The following ZNF331 variants were observed in gnomAD, a reference collection of about 807,000 sequenced individuals.
ZNF331 encodes the protein C2H2-like zinc finger protein rearranged in thyroid adenomas.
ZNF331 carries 2 observed loss-of-function variants against 7.0 expected under a neutral mutation model. The ratio of observed to expected loss-of-function variants is 0.29; its 90% confidence interval spans 0.12 to 0.90. The LOEUF is 0.90. ZNF331 is among the 40% of genes least tolerant of loss of function. ZNF331 has a pLI of 0.58. For missense variants in ZNF331, 432 were observed against 587.7 expected, an observed-to-expected ratio of 0.74 and a Z score of 2.74; for synonymous variants, 196 against 205.4, an observed-to-expected ratio of 0.95 and a Z score of 0.39.
At chr19:53,510,450 G>C in the ZNF331 span, among the ~76,000 whole-genome samples, 1 of 81,848 alleles carries the variant, frequency 1.2e-5, no homozygotes, top group Admixed American at 1.3e-4. Flanking sequence ...TTTTTTTTTT[G>C]CCATGTAGCT....
rs2090581905 is a variant in ZNF331, at chr19:53,573,905, G to T, written c.136+2175G>T. 6.6e-6 allele frequency among the ~76,000 whole-genome samples: 1 copy of T among 152,166 alleles called. No homozygotes were observed. On this transcript the variant is annotated intron_variant, in intron 5 of 5. Coordinates refer to ENST00000449416, the MANE Select transcript of ZNF331 (RefSeq NM_001079906.2). This position sits in a 1 kb window ranked among gnomAD's most constrained non-coding sequence, Gnocchi z 4.2. ...AGGCGGGCAGATCACCTGAAGTCAG[G>T]ACTTCAAGACCAGCCTGGCCAACAT... is the stretch of plus-strand genomic sequence containing the variant.
Position 53,571,096 on chromosome 19 carries a change from T to A in ZNF331, c.10-508T>A, listed in dbSNP as rs1184450467. Among the ~76,000 whole-genome samples the A allele has an allele frequency of 6.6e-6, 1 of 151,684 alleles. No individual in the cohort carries two copies. Among genetic ancestry groups the A allele is most frequent in the African/African-American group, 2.4e-5 (1 of 41,276 alleles). On this transcript the variant is annotated intron_variant, in intron 4 of 5. Coordinates refer to ENST00000449416, the MANE Select transcript of ZNF331 (RefSeq NM_001079906.2). The surrounding 1 kb of genome is among the most constrained non-coding windows in gnomAD (Gnocchi z 4.7). ...GGATGGTCTCGATCTCCTGACCTCG[T>A]GATCCGCCTGCCTTGTTCTCGTGAT...
chr19:53,536,080 A>C (rs1177281668), upstream of ZNF331, among the ~76,000 whole-genome samples: 1 of 152,228 alleles, frequency 6.6e-6, no homozygotes, highest in African/African-American at 2.4e-5. Flanking sequence ...CTGGGATTAC[A>C]GGTGTGAGCC....
chr19:53,545,650 C>A (rs188947980), intron 2 of ZNF331, among the ~76,000 whole-genome samples: 1 of 152,218 alleles, frequency 6.6e-6, no homozygotes, highest in Non-Finnish European at 1.5e-5. Flanking sequence ...CAGTCTGCCA[C>A]TTGTATTTCC....
At position 53,578,172 on chromosome 19, in the gene ZNF331, C is replaced by A; in HGVS notation, c.*220C>A. ...GAGTCATCCCTTGGTCCAGCACATCCACGCTGTATACGCCACCCACCCTGC... is the reference window on the plus strand; with the variant it reads ...GAGTCATCCCTTGGTCCAGCACATCAACGCTGTATACGCCACCCACCCTGC... On this transcript the variant is annotated 3_prime_UTR_variant, in exon 6 of 6. Transcript: ENST00000449416. 1 of 565,792 alleles carries A rather than the reference C, an allele frequency of 1.8e-6. No homozygotes were observed. The highest frequency in any genetic ancestry group is 3.1e-6 in the Non-Finnish European group (1 of 326,574). 35.0% of individuals were successfully genotyped at this position (565,792 alleles called of 1,614,324 possible). A position where few individuals can be genotyped will look rare whatever the true frequency, so the allele number is the denominator to read the frequency against.
intron 3 of ZNF331, among the ~76,000 whole-genome samples, chr19:53,563,166 C>T (rs1343684394): frequency 1.4e-5 from 2 of 146,062 alleles, no homozygotes; most frequent in Non-Finnish European, 3.0e-5. Flanking sequence ...CAGCTCACTG[C>T]AATCTCCGCC....
chr19:53,536,046 C>T (rs557905517), upstream of ZNF331, among the ~76,000 whole-genome samples: 4 of 152,222 alleles, frequency 2.6e-5, no homozygotes, highest in African/African-American at 7.2e-5. Context: ...TCAAGTGATC[C>T]GCTCACCTTG....
At chr19:53,526,550 ATT>A (rs35733725) in intron 2 of ZNF331, among the ~76,000 whole-genome samples, 2,524 of 150,176 alleles carry the variant, frequency 0.017, 73 homozygotes, top group African/African-American at 0.06. Flanking sequence ...TGGCGTAGAA[ATT>A]TTTTTTTTCT....
chr19:53,534,623 GTTC>G (rs2087670278), upstream of ZNF331, among the ~76,000 whole-genome samples: 1 of 152,050 alleles, frequency 6.6e-6, no homozygotes, highest in Non-Finnish European at 1.5e-5. Flanking sequence ...GACAAGTCAA[GTTC>G]TTCTTGTATC....
At chr19:53,519,412 C>T (rs1419028491), upstream of ZNF331, among the ~76,000 whole-genome samples, 1 of 152,192 alleles carries the variant, frequency 6.6e-6, no homozygotes, top group African/African-American at 2.4e-5. Context: ...TCCTGCCTAA[C>T]CACCTGACCA....
chr19:53,568,562 C>T (rs753290920), intron 3 of ZNF331, among the ~76,000 whole-genome samples: 55 of 152,144 alleles, frequency 3.6e-4, no homozygotes, highest in Non-Finnish European at 6.9e-4. Context: ...TCTGGCATAG[C>T]AAGCCCCCAT....
Position 53,556,182 on chromosome 19 carries a change from G to T in ZNF331, c.-74+274G>T, listed in dbSNP as rs1447027004. Among the ~76,000 whole-genome samples, 5 of 146,564 alleles carry T rather than the reference G, an allele frequency of 3.4e-5. No homozygotes were observed. In the East Asian group the frequency reaches 1.0e-3, roughly 30 times the overall value. On this transcript the variant is annotated intron_variant, in intron 3 of 5. Transcript: ENST00000449416. ...GGCGGGAACCCGGGAGGCGGAGCTT[G>T]CAGTGAGCCGAGATCGCACCGCTTC...
upstream of ZNF331, among the ~76,000 whole-genome samples, chr19:53,514,720 G>C (rs1351138677): frequency 7.1e-6 from 1 of 140,230 alleles, no homozygotes; most frequent in Non-Finnish European, 1.5e-5. Context: ...GCGCGATCTC[G>C]GCTCGCTGCA....
intron 2 of ZNF331, chr19:53,554,897 TGGGGGATATGTGG>T (rs1326512272): frequency 6.5e-6 from 1 of 153,132 alleles, no homozygotes; most frequent in East Asian, 1.9e-4. Context: ...AGGTGCGCTC[TGGGGGATATGTGG>T]GGGCGGCGAT....
At position 53,558,350 on chromosome 19, in the gene ZNF331, G is replaced by A. The variant is rs138688923; in HGVS notation, c.-74+2442G>A. 3.1e-4 allele frequency among the ~76,000 whole-genome samples: 47 copies of A among 152,202 alleles called. No homozygotes were observed. The highest frequency in any genetic ancestry group is 1.1e-3 in the African/African-American group (47 of 41,516). ...CAGGAGCTTCTGTTCCCGTGGAATT[G>A]GGGTGCGCCACCTTTTCAGAGTTCT... On this transcript the variant is annotated intron_variant, in intron 3 of 5. Coordinates refer to ENST00000449416, the MANE Select transcript of ZNF331 (RefSeq NM_001079906.2). The surrounding 1 kb of genome is among the most constrained non-coding windows in gnomAD (Gnocchi z 4.5).
intron 3 of ZNF331, among the ~76,000 whole-genome samples, chr19:53,562,659 C>T (rs1229294252): frequency 6.6e-6 from 1 of 151,720 alleles, no homozygotes; most frequent in Non-Finnish European, 1.5e-5. Context: ...CACTGTACTC[C>T]AGCCTGGGCA....
chr19:53,518,246 AT>A (rs1320836595), upstream of ZNF331, among the ~76,000 whole-genome samples: 1 of 152,122 alleles, frequency 6.6e-6, no homozygotes, highest in Non-Finnish European at 1.5e-5. Flanking sequence ...TGGACATCAG[AT>A]TCCAGGTTCT....
In ZNF331 at chr19:53,579,111, T is replaced by C. The variant is rs1041945455; in HGVS notation, c.*1159T>C. 7 of 198,324 alleles carry C rather than the reference T, an allele frequency of 3.5e-5. No individual in the cohort carries two copies. The highest frequency in any genetic ancestry group is 7.3e-5 in the Non-Finnish European group (7 of 95,884). 12.3% of individuals were successfully genotyped at this position (198,324 alleles called of 1,614,324 possible). On this transcript the variant is annotated 3_prime_UTR_variant, in exon 6 of 6. Coordinates refer to ENST00000449416, the MANE Select transcript of ZNF331 (RefSeq NM_001079906.2). ...ACTGCACCTAGCCCACTGATCACTCTTCTGCTTACAGAATATCAGAAGTCA... is the reference window on the plus strand; with the variant it reads ...ACTGCACCTAGCCCACTGATCACTCCTCTGCTTACAGAATATCAGAAGTCA...
chr19:53,546,970 C>T (rs2088658289), intron 2 of ZNF331, among the ~76,000 whole-genome samples: 1 of 152,082 alleles, frequency 6.6e-6, no homozygotes, highest in African/African-American at 2.4e-5. Flanking sequence ...TCTTCAATGG[C>T]AATTTGTGTA....
Sources: allele counts gnomAD v4.1 joint callset (sites outside exome capture counted in the v4.1 genomes callset), GRCh38; gene constraint gnomAD v4.1.1; non-coding constraint Gnocchi (gnomAD v3.1); transcripts MANE v1.5; gene names NCBI Gene and HGNC (gene_info 2026-07-23, HGNC 2026-07-21).